Variants in STXBP5L observed in about 807,000 individuals in gnomAD.
STXBP5L encodes the protein syntaxin-binding protein 5-like.
STXBP5L carries 65 observed loss-of-function variants against 144.5 expected under a neutral mutation model. That is an observed-to-expected ratio of 0.45 (90% CI 0.37 to 0.55). The LOEUF is 0.55. Ranked by LOEUF, STXBP5L falls within the 20% of genes least tolerant of loss-of-function variation. STXBP5L has a pLI of 0.00. For synonymous variants in STXBP5L, 505 were observed against 469.6 expected, an observed-to-expected ratio of 1.08 and a Z score of -0.97; for missense variants, 1,298 against 1,405.5, an observed-to-expected ratio of 0.92 and a Z score of 1.22.
intron 7 of STXBP5L, among the ~76,000 whole-genome samples, chr3:121,135,092 G>A (rs542727735): frequency 2.0e-5 from 3 of 152,148 alleles, no homozygotes; most frequent in South Asian, 2.1e-4. Flanking sequence ...TTTAATGATC[G>A]CCATTCTAAC....
intron 19 of STXBP5L, among the ~76,000 whole-genome samples, chr3:121,290,700 A>G (rs2051406256): frequency 6.6e-6 from 1 of 152,208 alleles, no homozygotes; most frequent in African/African-American, 2.4e-5. Context: ...TCAAGAAGAT[A>G]ATCTACCACA....
At chr3:121,034,570 AT>A (rs1169888626) in intron 3 of STXBP5L, among the ~76,000 whole-genome samples, 1 of 151,802 alleles carries the variant, frequency 6.6e-6, no homozygotes, top group Non-Finnish European at 1.5e-5. Context: ...CCATCCATCC[AT>A]CCATCTATCT....
chr3:120,991,786 A>G (rs9813251), intron 3 of STXBP5L, among the ~76,000 whole-genome samples: 14,120 of 150,470 alleles, frequency 0.094, 1,033 homozygotes, highest in Admixed American at 0.19. Flanking sequence ...ACAGGGTGGC[A>G]AACATCACAC....
chr3:121,173,560 C>G (rs983561694), intron 9 of STXBP5L, among the ~76,000 whole-genome samples: 42 of 151,904 alleles, frequency 2.8e-4, no homozygotes, highest in African/African-American at 9.7e-4. Flanking sequence ...AAAAACTTAA[C>G]AACTAATAGC....
At chr3:120,918,967 GT>G (rs1709235985) in intron 2 of STXBP5L, among the ~76,000 whole-genome samples, 1 of 152,056 alleles carries the variant, frequency 6.6e-6, no homozygotes, top group Non-Finnish European at 1.5e-5. Context: ...ACTTTTAAAT[GT>G]TTTCTAGACA....
intron 11 of STXBP5L, among the ~76,000 whole-genome samples, chr3:121,229,137 T>C (rs1166408923): frequency 6.6e-6 from 1 of 152,186 alleles, no homozygotes. Context: ...ATACTTCCTC[T>C]TTCTTCTTAA....
chr3:121,102,127 C>T (rs1042021279), intron 5 of STXBP5L, among the ~76,000 whole-genome samples: 22 of 152,096 alleles, frequency 1.4e-4, no homozygotes, highest in African/African-American at 5.3e-4. Flanking sequence ...GTTAAAATGG[C>T]CATACTTCCC....
At chr3:120,980,925 T>C (rs1372488424) in intron 3 of STXBP5L, among the ~76,000 whole-genome samples, 1 of 152,160 alleles carries the variant, frequency 6.6e-6, no homozygotes, top group Admixed American at 6.5e-5. Context: ...AGCCGTTTCT[T>C]GTCTAGGAAA....
chr3:121,062,898 C>G (rs1027159688), intron 5 of STXBP5L, among the ~76,000 whole-genome samples: 2 of 152,178 alleles, frequency 1.3e-5, no homozygotes, highest in Middle Eastern at 3.2e-3. Flanking sequence ...TTCTAGTTAG[C>G]AATGCATCTG....
At chr3:120,971,647 A>G in intron 3 of STXBP5L, among the ~76,000 whole-genome samples, 1 of 151,790 alleles carries the variant, frequency 6.6e-6, no homozygotes, top group East Asian at 1.9e-4. Context: ...ATACACACAC[A>G]CACACACACA....
At chr3:120,930,944 T>C (rs915727797) in intron 2 of STXBP5L, among the ~76,000 whole-genome samples, 15 of 152,210 alleles carry the variant, frequency 9.9e-5, no homozygotes, top group African/African-American at 3.6e-4. Flanking sequence ...CTGCCTGTTC[T>C]TGTGGCAATC....
intron 3 of STXBP5L, among the ~76,000 whole-genome samples, chr3:120,990,970 A>G (rs1167541755): frequency 1.3e-5 from 2 of 152,246 alleles, no homozygotes; most frequent in African/African-American, 4.8e-5. Context: ...AAAAGCCAAA[A>G]CTGACAAATG....
chr3:121,301,135 G>A (rs1220141481), intron 19 of STXBP5L, among the ~76,000 whole-genome samples: 1 of 152,046 alleles, frequency 6.6e-6, no homozygotes, highest in African/African-American at 2.4e-5. Context: ...AATTACCTTG[G>A]GCAGTATGGC....
intron 2 of STXBP5L, among the ~76,000 whole-genome samples, chr3:120,953,584 T>A (rs1011777092): frequency 5.3e-5 from 8 of 151,090 alleles, no homozygotes. Context: ...GCAATCCTCC[T>A]GCTTTGGCCT....
At chr3:121,015,585 AC>A (rs35212778) in intron 3 of STXBP5L, among the ~76,000 whole-genome samples, 1 of 152,068 alleles carries the variant, frequency 6.6e-6, no homozygotes, top group Non-Finnish European at 1.5e-5. Context: ...ATGTTCGGGA[AC>A]CCCCAATACT....
At chr3:121,011,411 C>T (rs1162595634) in intron 3 of STXBP5L, among the ~76,000 whole-genome samples, 1 of 151,390 alleles carries the variant, frequency 6.6e-6, no homozygotes, top group Non-Finnish European at 1.5e-5. Flanking sequence ...CAATATTTTC[C>T]CAATTTGAGC....
chr3:121,287,983 T>C (rs548244749), intron 19 of STXBP5L, among the ~76,000 whole-genome samples: 35 of 152,346 alleles, frequency 2.3e-4, no homozygotes, highest in Admixed American at 2.0e-3. Context: ...GTTTCAATGC[T>C]AGATCCCAAT....
At chr3:121,370,835 A>G (rs1398365967) in intron 20 of STXBP5L, among the ~76,000 whole-genome samples, 3 of 152,170 alleles carry the variant, frequency 2.0e-5, no homozygotes, top group Non-Finnish European at 4.4e-5. Flanking sequence ...AAATTCTTGT[A>G]GAGTGTTTTT....
chr3:121,124,518 G>T (rs531996979), intron 7 of STXBP5L, among the ~76,000 whole-genome samples: 1 of 151,742 alleles, frequency 6.6e-6, no homozygotes, highest in Non-Finnish European at 1.5e-5. Flanking sequence ...AGCTCAATTC[G>T]ATAAGTACCT....
Sources: gnomAD v4.1 joint callset for allele counts (sites outside exome capture counted in the v4.1 genomes callset) on GRCh38, gnomAD v4.1.1 for gene constraint, MANE v1.5 for transcripts, NCBI Gene and HGNC (gene_info 2026-07-23, HGNC 2026-07-21) for gene names.